Variants in SH3KBP1 observed in about 807,000 individuals in gnomAD.
SH3KBP1 encodes the protein SH3 domain containing kinase binding protein 1.
Under a neutral mutation model 50.1 loss-of-function variants are expected in SH3KBP1, and 8 were observed. The ratio of observed to expected loss-of-function variants is 0.16; its 90% confidence interval spans 0.09 to 0.29. The LOEUF (loss-of-function observed/expected upper bound fraction) is 0.29, where lower values mean the gene tolerates loss of function less well. Ranked by LOEUF, SH3KBP1 falls within the 10% of genes least tolerant of loss-of-function variation. The probability of loss-of-function intolerance (pLI) is 1.00; values close to 1 mark genes in which losing one functional copy is unlikely to be tolerated. For missense variants in SH3KBP1, 377 were observed against 535.2 expected (o/e 0.70, Z 2.92); for synonymous variants, 227 against 218.6 (o/e 1.04, Z -0.34).
At chrX:19,774,726 A>G (rs1478870346) in intron 2 of SH3KBP1, among the ~76,000 whole-genome samples, 2 of 109,370 alleles carry the variant, frequency 1.8e-5, no homozygotes, top group African/African-American at 6.7e-5. Flanking sequence ...ACCTAAGGAA[A>G]TTCTAGTTTA....
chrX:19,781,973 C>T (rs1454820468), intron 2 of SH3KBP1, among the ~76,000 whole-genome samples: 3 of 111,336 alleles, frequency 2.7e-5, no homozygotes, highest in Non-Finnish European at 5.7e-5. Flanking sequence ...TTTCAAGGCC[C>T]CATCCTGAAT....
chrX:19,676,413 A>G (rs963696974), intron 6 of SH3KBP1, among the ~76,000 whole-genome samples: 1 of 111,850 alleles, frequency 8.9e-6, no homozygotes, highest in East Asian at 2.8e-4. Context: ...GAAAGAATGA[A>G]TAAGACCTAC....
At chrX:19,844,458 A>G (rs1013013380) in intron 1 of SH3KBP1, among the ~76,000 whole-genome samples, 1 of 112,375 alleles carries the variant, frequency 8.9e-6, no homozygotes, top group Admixed American at 9.4e-5. Flanking sequence ...GATGATCAAC[A>G]TGACCAGTTG....
At position 19,774,901 on chromosome X, in the gene SH3KBP1, T is replaced by C. The variant is rs16981273; in HGVS notation, c.163-28460A>G. On this transcript the variant is annotated intron_variant, in intron 2 of 17. Transcript: ENST00000397821. The stretch of plus-strand genomic sequence containing the variant: ...AATCATCAAAGGGGTCTTCCTACTT[T>C]ACAAAGCTAGACCCCCACACCTGGC... Among the ~76,000 whole-genome samples, 855 of 111,063 alleles carry C rather than the reference T, an allele frequency of 7.7e-3. 10 individuals carry two copies. Among genetic ancestry groups the C allele is most frequent in the African/African-American group, 0.027 (817 of 30,499 alleles).
At chrX:19,766,328 T>C (rs1440337037) in intron 2 of SH3KBP1, among the ~76,000 whole-genome samples, 1 of 109,755 alleles carries the variant, frequency 9.1e-6, no homozygotes, top group Non-Finnish European at 1.9e-5. Context: ...AAACTGTCTA[T>C]TCAAGTCCCT....
intron 13 of SH3KBP1, among the ~76,000 whole-genome samples, chrX:19,565,499 A>G (rs752309123): frequency 9.0e-6 from 1 of 111,605 alleles, no homozygotes; most frequent in Non-Finnish European, 1.9e-5. Context: ...AAAATAGACA[A>G]AACATTTAGT....
intron 3 of SH3KBP1, among the ~76,000 whole-genome samples, chrX:19,726,664 TACG>T (rs10539494): frequency 0.14 from 15,136 of 110,715 alleles, 849 homozygotes; most frequent in African/African-American, 0.15. Flanking sequence ...AGATAACTGA[TACG>T]ACAACACTTG....
chrX:19,537,653 C>G, intron 17 of SH3KBP1, 64 bp downstream of exon 17: 1 of 890,152 alleles, frequency 1.1e-6, no homozygotes, highest in Non-Finnish European at 1.6e-6. Context: ...GAAATAAAAG[C>G]CCTCACAATG....
At chrX:19,882,261 C>G (rs1049496245) in intron 1 of SH3KBP1, among the ~76,000 whole-genome samples, 1 of 110,891 alleles carries the variant, frequency 9.0e-6, no homozygotes, top group Admixed American at 9.6e-5. Context: ...CCCTCCCCGC[C>G]CCCAGATGCC....
intron 1 of SH3KBP1, among the ~76,000 whole-genome samples, chrX:19,843,209 G>C (rs1040010702): frequency 2.8e-5 from 3 of 107,950 alleles, no homozygotes; most frequent in African/African-American, 1.0e-4. Context: ...TAGTAGAGAA[G>C]GGGTTTCACC....
At chrX:19,670,956 G>A in intron 6 of SH3KBP1, 1 of 1,126,136 alleles carries the variant, frequency 8.9e-7, no homozygotes, top group Non-Finnish European at 1.2e-6. Context: ...ACAGCACGGA[G>A]CCTGAGGACC....
intron 4 of SH3KBP1, among the ~76,000 whole-genome samples, chrX:19,703,299 A>T (rs1470170439): frequency 9.0e-6 from 1 of 111,042 alleles, no homozygotes. Flanking sequence ...GTGAGGAGGG[A>T]TAAAGGTAAT....
At chrX:19,872,764 A>G (rs1182110134) in intron 1 of SH3KBP1, among the ~76,000 whole-genome samples, 1 of 108,523 alleles carries the variant, frequency 9.2e-6, no homozygotes, top group Non-Finnish European at 1.9e-5. Context: ...CGACAGAGCA[A>G]GACTGTCTCA....
intron 16 of SH3KBP1, among the ~76,000 whole-genome samples, chrX:19,538,198 A>G (rs1173951544): frequency 1.8e-5 from 2 of 111,567 alleles, no homozygotes; most frequent in Non-Finnish European, 3.8e-5. Flanking sequence ...TGGGCTTTAA[A>G]TGTACTTATT....
At chrX:19,772,280 G>A (rs2065810342) in intron 2 of SH3KBP1, among the ~76,000 whole-genome samples, 1 of 111,291 alleles carries the variant, frequency 9.0e-6, no homozygotes, top group African/African-American at 3.3e-5. Flanking sequence ...TTCTGGGAGC[G>A]CTGTTAGGGG....
At chrX:19,543,500 G>A (rs1006519812) in intron 15 of SH3KBP1, among the ~76,000 whole-genome samples, 1 of 111,278 alleles carries the variant, frequency 9.0e-6, no homozygotes, top group Admixed American at 9.5e-5. Flanking sequence ...CCACTTGGTG[G>A]AGCCAGGGAG....
At chrX:19,774,522 T>G (rs956372944) in intron 2 of SH3KBP1, among the ~76,000 whole-genome samples, 1 of 108,998 alleles carries the variant, frequency 9.2e-6, no homozygotes, top group Non-Finnish European at 1.9e-5. Context: ...ATACAAAAAA[T>G]TAGCCAGGCG....
intron 6 of SH3KBP1, chrX:19,683,220 T>C (rs1210453201): frequency 6.3e-6 from 2 of 318,554 alleles, no homozygotes; most frequent in Non-Finnish European, 1.2e-5. Flanking sequence ...AGCAGCAACA[T>C]GCTGCCTGCC....
chrX:19,733,791 G>A (rs2064451856), intron 3 of SH3KBP1, among the ~76,000 whole-genome samples: 1 of 110,664 alleles, frequency 9.0e-6, no homozygotes, highest in Non-Finnish European at 1.9e-5. Flanking sequence ...AAAAAATAAG[G>A]ACCTCAATAT....
Sources: allele counts gnomAD v4.1 joint callset (sites outside exome capture counted in the v4.1 genomes callset), GRCh38; gene constraint gnomAD v4.1.1; transcripts MANE v1.5; gene names NCBI Gene and HGNC (gene_info 2026-07-23, HGNC 2026-07-21).